The following TENM3 variants were observed in gnomAD, a reference collection of about 807,000 sequenced individuals.
The protein encoded by TENM3 is teneurin-3.
Under a neutral mutation model 255.1 loss-of-function variants are expected in TENM3, and 63 were observed. That is an observed-to-expected ratio of 0.25 (90% CI 0.20 to 0.30). The LOEUF is 0.30. TENM3 is among the 10% of genes least tolerant of loss of function. TENM3 has a pLI of 1.00. For synonymous variants in TENM3, 1,306 were observed against 1,322.3 expected (o/e 0.99, Z 0.27); for missense variants, 2,929 against 3,461.1 (o/e 0.85, Z 3.86).
chr4:182,771,511 A>ACC (rs1233466562), intron 22 of TENM3, among the ~76,000 whole-genome samples: 1 of 145,830 alleles, frequency 6.9e-6, no homozygotes, highest in African/African-American at 2.5e-5. Context: ...GGGGGGGGGA[A>ACC]ATAGTACAAT....
the TENM3 span, among the ~76,000 whole-genome samples, chr4:182,071,739 C>T: frequency 2.0e-5 from 3 of 152,042 alleles, no homozygotes; most frequent in African/African-American, 4.8e-5. Flanking sequence ...TCGAATTGTT[C>T]TCTCCTAGCT....
chr4:182,390,516 G>A (rs1191685045), intron 3 of TENM3, among the ~76,000 whole-genome samples: 2 of 152,222 alleles, frequency 1.3e-5, no homozygotes, highest in African/African-American at 2.4e-5. Flanking sequence ...TACCAGTTTC[G>A]AGTTTGCTAA....
chr4:182,625,847 C>A (rs937379222), intron 4 of TENM3, among the ~76,000 whole-genome samples: 4 of 152,170 alleles, frequency 2.6e-5, no homozygotes, highest in African/African-American at 7.2e-5. Flanking sequence ...CTCCTGCTCA[C>A]TCTTCATGTA....
intron 3 of TENM3, among the ~76,000 whole-genome samples, chr4:182,431,288 G>A (rs1470109294): frequency 6.6e-6 from 1 of 151,994 alleles, no homozygotes; most frequent in East Asian, 2.0e-4. Flanking sequence ...GAGGTCAAGA[G>A]TTCGAGACCA....
At chr4:181,964,311 A>C in the TENM3 span, among the ~76,000 whole-genome samples, 8 of 152,138 alleles carry the variant, frequency 5.3e-5, no homozygotes, top group Non-Finnish European at 7.4e-5. Context: ...CAAAAAGATG[A>C]GGGGTAATTT....
the TENM3 span, among the ~76,000 whole-genome samples, chr4:182,117,092 G>A: frequency 6.6e-6 from 1 of 152,152 alleles, no homozygotes; most frequent in East Asian, 1.9e-4. Context: ...ATCTTCCTTG[G>A]TGTAGTGTCT....
At chr4:182,100,672 T>TATATACAC in the TENM3 span, among the ~76,000 whole-genome samples, 155 of 44,740 alleles carry the variant, frequency 3.5e-3, 3 homozygotes, top group Middle Eastern at 0.015. Flanking sequence ...TATATACACA[T>TATATACAC]ATATATACAC....
chr4:181,954,670 G>A, the TENM3 span, among the ~76,000 whole-genome samples: 2 of 152,144 alleles, frequency 1.3e-5, no homozygotes, highest in Admixed American at 6.5e-5. Context: ...CTTGGTCAGT[G>A]GCTTGATTTT....
At chr4:181,807,224 T>C in the TENM3 span, among the ~76,000 whole-genome samples, 1 of 152,236 alleles carries the variant, frequency 6.6e-6, no homozygotes, top group Non-Finnish European at 1.5e-5. Context: ...TTCTTCACCT[T>C]TCCATCACTT....
At chr4:182,111,256 C>T in the TENM3 span, among the ~76,000 whole-genome samples, 1 of 121,916 alleles carries the variant, frequency 8.2e-6, no homozygotes, top group Admixed American at 1.0e-4. Flanking sequence ...ACAGGTAAAT[C>T]AGCATTTAGG....
the TENM3 span, among the ~76,000 whole-genome samples, chr4:181,957,296 T>A: frequency 1.3e-5 from 2 of 152,156 alleles, no homozygotes; most frequent in Non-Finnish European, 2.9e-5. Context: ...ACGGCCAGCA[T>A]CACACACAGA....
the TENM3 span, among the ~76,000 whole-genome samples, chr4:182,006,486 T>A: frequency 6.6e-6 from 1 of 152,202 alleles, no homozygotes. Flanking sequence ...TTTATACATT[T>A]CTTCTAGATT....
At chr4:182,117,549 A>G in the TENM3 span, among the ~76,000 whole-genome samples, 1 of 152,200 alleles carries the variant, frequency 6.6e-6, no homozygotes, top group Non-Finnish European at 1.5e-5. Context: ...ATTATTGAAA[A>G]GAATATCTTT....
chr4:181,746,851 G>A, the TENM3 span, among the ~76,000 whole-genome samples: 1 of 151,692 alleles, frequency 6.6e-6, no homozygotes, highest in Non-Finnish European at 1.5e-5. Context: ...CAGAGATATT[G>A]GACACATTCT....
intron 5 of TENM3, chr4:182,631,557 T>A (rs1433067105): frequency 6.6e-6 from 1 of 152,228 alleles, no homozygotes; most frequent in East Asian, 1.9e-4. Context: ...GGGAAGGCTG[T>A]CCTTTTCTGT....
chr4:182,197,842 C>T (rs994652273), intron 1 of TENM3, among the ~76,000 whole-genome samples: 4 of 152,210 alleles, frequency 2.6e-5, no homozygotes, highest in African/African-American at 4.8e-5. Context: ...CAGTGGCTCA[C>T]GCCTGTAATC....
At chr4:182,203,059 A>G (rs1754299362) in intron 1 of TENM3, among the ~76,000 whole-genome samples, 1 of 152,170 alleles carries the variant, frequency 6.6e-6, no homozygotes, top group Middle Eastern at 3.4e-3. Flanking sequence ...CTACAAAAAA[A>G]TCCAAAAATT....
intron 5 of TENM3, among the ~76,000 whole-genome samples, chr4:182,649,503 C>A (rs1312924648): frequency 6.7e-6 from 1 of 150,308 alleles, no homozygotes; most frequent in African/African-American, 2.4e-5. Flanking sequence ...AACTAAGAAG[C>A]ATAATACTAG....
chr4:182,181,383 G>A (rs1418788315), intron 1 of TENM3, among the ~76,000 whole-genome samples: 1 of 152,176 alleles, frequency 6.6e-6, no homozygotes, highest in African/African-American at 2.4e-5. Context: ...CCCTCCCGTG[G>A]GAGGCTTTAG....
Sources: gnomAD v4.1 joint callset for allele counts (sites outside exome capture counted in the v4.1 genomes callset) on GRCh38, gnomAD v4.1.1 for gene constraint, MANE v1.5 for transcripts, NCBI Gene and HGNC (gene_info 2026-07-23, HGNC 2026-07-21) for gene names.